Variants in IQSEC1 observed in about 807,000 individuals in gnomAD.
IQSEC1 encodes IQ motif and SEC7 domain-containing protein 1.
IQSEC1 carries 31 observed loss-of-function variants against 91.0 expected under a neutral mutation model. The observed-to-expected ratio is 0.34, with a 90% CI of 0.26 to 0.46. The LOEUF is 0.46. Ranked by LOEUF, IQSEC1 falls within the 20% of genes least tolerant of loss-of-function variation. The probability of loss-of-function intolerance (pLI) is 1.00; values close to 1 mark genes in which losing one functional copy is unlikely to be tolerated. For synonymous variants in IQSEC1, 699 were observed against 662.6 expected (o/e 1.05, Z -0.84); for missense variants, 1,388 against 1,575.6 (o/e 0.88, Z 2.02).
chr3:13,232,412 C>G (rs1407922416), intron 1 of IQSEC1, among the ~76,000 whole-genome samples: 2 of 152,240 alleles, frequency 1.3e-5, no homozygotes, highest in African/African-American at 4.8e-5. Flanking sequence ...ACCTCCCTCT[C>G]TGGCAGGAGG....
rs79435111 is a variant in IQSEC1, at chr3:13,060,691, T to C, written c.23+12301A>G. Among the ~76,000 whole-genome samples, 326 of 152,260 alleles carry C rather than the reference T, an allele frequency of 2.1e-3. 2 individuals are homozygous for C. The highest frequency in any genetic ancestry group is 7.4e-3 in the African/African-American group (309 of 41,562). The stretch of plus-strand genomic sequence containing the variant: ...TGCTGGGGCAGGGTGGGGGCCGGTA[T>C]GTCTGGCCAGCAGCATCAGCCCTGC... On this transcript the variant is annotated intron_variant, in intron 1 of 13. Coordinates refer to ENST00000613206, the MANE Select transcript of IQSEC1 (RefSeq NM_001134382.3).
intron 3 of IQSEC1, among the ~76,000 whole-genome samples, chr3:12,931,483 C>CCCAAGTGGTTCA (rs1183467834): frequency 2.8e-4 from 43 of 152,346 alleles, no homozygotes; most frequent in African/African-American, 1.0e-3. Context: ...AGACAATAGG[C>CCCAAGTGGTTCA]GGAAGGTGTT....
chr3:13,005,367 G>A (rs1363392154), intron 1 of IQSEC1, among the ~76,000 whole-genome samples: 3 of 152,174 alleles, frequency 2.0e-5, no homozygotes, highest in Non-Finnish European at 4.4e-5. Context: ...GAAGATGAGG[G>A]GATCTGGGGG....
intron 1 of IQSEC1, among the ~76,000 whole-genome samples, chr3:13,276,391 T>G (rs2125152738): frequency 6.6e-6 from 1 of 152,244 alleles, no homozygotes; most frequent in South Asian, 2.1e-4. Context: ...CCTGGCCTCC[T>G]TCAAAGCATT....
At chr3:13,162,597 A>C (rs1198119035) in intron 2 of IQSEC1, among the ~76,000 whole-genome samples, 1 of 152,174 alleles carries the variant, frequency 6.6e-6, no homozygotes, top group Non-Finnish European at 1.5e-5. Flanking sequence ...TTAAGAGACA[A>C]CTGTTTCCTT....
intron 1 of IQSEC1, among the ~76,000 whole-genome samples, chr3:13,021,850 T>A (rs1404090959): frequency 2.6e-5 from 4 of 152,128 alleles, no homozygotes; most frequent in Non-Finnish European, 5.9e-5. Flanking sequence ...GTGCTCTGGA[T>A]CCCAGCCAAT....
chr3:13,106,922 C>T (rs186183860), intron 2 of IQSEC1, among the ~76,000 whole-genome samples: 171 of 152,346 alleles, frequency 1.1e-3, no homozygotes, highest in Middle Eastern at 6.8e-3. Context: ...GCCAGCTCCA[C>T]GGCCCATTAA....
At chr3:12,902,670 CAAAA>C (rs1213830618) in intron 13 of IQSEC1, 99 bp downstream of exon 13, 4,745 of 191,992 alleles carry the variant, frequency 0.025, 22 homozygotes, top group Non-Finnish European at 0.031. Flanking sequence ...AAAAAAAAAC[CAAAA>C]AAAAAAAAAA....
intron 1 of IQSEC1, among the ~76,000 whole-genome samples, chr3:12,976,362 A>T (rs1701173197): frequency 1.3e-5 from 2 of 151,888 alleles, no homozygotes; most frequent in Admixed American, 1.3e-4. Context: ...CCTTTTCCCC[A>T]CCTCTTCCCC....
Position 12,899,938 on chromosome 3 carries a change from AGT to A in IQSEC1, c.*1043_*1044del. The A allele has an allele frequency of 1.0e-6, 1 of 985,238 alleles. No individual in the cohort carries two copies. The highest frequency in any genetic ancestry group is 1.2e-6 in the Non-Finnish European group (1 of 829,872). 61.0% of individuals were successfully genotyped at this position (985,238 alleles called of 1,614,324 possible). On this transcript the variant is annotated 3_prime_UTR_variant, in exon 14 of 14. Coordinates refer to ENST00000613206, the MANE Select transcript of IQSEC1 (RefSeq NM_001134382.3). The stretch of plus-strand genomic sequence containing the variant: ...TGCCCCTCTCGGAGGACTCTGAATG[AGT>A]GTGCGTCAAATCATATGCGCATAAA...
intron 1 of IQSEC1, among the ~76,000 whole-genome samples, chr3:12,946,556 T>C (rs1699196402): frequency 6.6e-6 from 1 of 152,208 alleles, no homozygotes; most frequent in African/African-American, 2.4e-5. Flanking sequence ...TGTTTCTGAT[T>C]ATAAACATCT....
chr3:13,190,737 C>G (rs1402210002), intron 1 of IQSEC1, among the ~76,000 whole-genome samples: 1 of 152,168 alleles, frequency 6.6e-6, no homozygotes, highest in Non-Finnish European at 1.5e-5. Flanking sequence ...ATAAGCCATT[C>G]TTTTCTAAAT....
Position 12,936,547 on chromosome 3 carries a change from C to T in IQSEC1, c.469G>A (p.Val157Met). The part of the protein sequence containing the change: ...MSENRMSRRI[V>M]LSNMRMQFSF... Reference sequence around the variant, plus strand: ...AACTGCATCCTCATGTTGGACAGCACAATCCGGCGTGACATGCGGTTCTCT... The same window carrying T: ...AACTGCATCCTCATGTTGGACAGCATAATCCGGCGTGACATGCGGTTCTCT... The change falls in exon 3 of 14, where the codon GTG becomes ATG. Residue 157 changes from valine (V) to methionine (M), a missense_variant. Val to Met is a conservative substitution (Grantham distance 21). This residue lies in a region of IQSEC1 where 1,059 missense variants were observed against 1,317.8 expected (regional missense o/e 0.80). Coordinates refer to ENST00000613206, the MANE Select transcript of IQSEC1 (RefSeq NM_001134382.3). 1.2e-6 allele frequency: 2 copies of T among 1,613,460 alleles called. No homozygotes were observed. Among genetic ancestry groups the T allele is most frequent in the South Asian group, 1.1e-5 (1 of 91,092 alleles).
At chr3:12,934,717 T>C (rs569820395) in intron 3 of IQSEC1, among the ~76,000 whole-genome samples, 30 of 152,238 alleles carry the variant, frequency 2.0e-4, no homozygotes, top group African/African-American at 6.7e-4. Context: ...CCTCTTGCTA[T>C]TTTTGGCTGT....
At chr3:13,116,008 T>A (rs760612030) in intron 2 of IQSEC1, among the ~76,000 whole-genome samples, 2 of 152,212 alleles carry the variant, frequency 1.3e-5, no homozygotes, top group Admixed American at 6.5e-5. Flanking sequence ...CCCCTCAGTT[T>A]TTCCTTCAGC....
rs539242210 is a variant in IQSEC1 at position 13,192,081 on chromosome 3, A to T, written c.273-27948T>A. Among the ~76,000 whole-genome samples the T allele has an allele frequency of 3.3e-5, 5 of 152,292 alleles. No homozygotes were observed. In the East Asian group the frequency reaches 9.7e-4, roughly 29 times the overall value. The stretch of plus-strand genomic sequence containing the variant: ...CTGGGCACGGTGGCTCACGCCTGTA[A>T]TCCCAGCACTTTGGGAGGCCGAGGC... On this transcript the variant is annotated intron_variant, in intron 1 of 15. Transcript: ENST00000648114.
chr3:12,951,811 C>T (rs541699744), intron 1 of IQSEC1, among the ~76,000 whole-genome samples: 20 of 152,228 alleles, frequency 1.3e-4, no homozygotes, highest in African/African-American at 4.8e-4. Context: ...CGCAGCACCC[C>T]CAGTGGAAAC....
At chr3:13,114,194 A>G (rs1429202293) in intron 2 of IQSEC1, among the ~76,000 whole-genome samples, 1 of 152,168 alleles carries the variant, frequency 6.6e-6, no homozygotes. Flanking sequence ...GAACCCACGC[A>G]TGTGCTGCTG....
chr3:13,089,954 G>T (rs912432288), intron 2 of IQSEC1, among the ~76,000 whole-genome samples: 3 of 152,206 alleles, frequency 2.0e-5, no homozygotes, highest in Non-Finnish European at 4.4e-5. Context: ...GGTGGCTCAC[G>T]CCTGTAATCC....
Sources: allele counts gnomAD v4.1 joint callset (sites outside exome capture counted in the v4.1 genomes callset), GRCh38; gene constraint gnomAD v4.1.1; regional missense constraint gnomAD v4.1.1; transcripts MANE v1.5; gene names NCBI Gene and HGNC (gene_info 2026-07-23, HGNC 2026-07-21).